Variants in ST6GAL1 observed in about 807,000 individuals in gnomAD.
ST6GAL1 encodes ST6 beta-galactoside alpha-2,6-sialyltransferase 1, also known as beta-galactoside alpha-2,6-sialyltransferase 1.
Under a neutral mutation model 38.0 loss-of-function variants are expected in ST6GAL1, and 20 were observed. The observed-to-expected ratio is 0.53, with a 90% CI of 0.37 to 0.77. The LOEUF (loss-of-function observed/expected upper bound fraction) is 0.77. ST6GAL1 is among the 30% of genes least tolerant of loss of function. ST6GAL1 has a pLI of 0.00. For synonymous variants in ST6GAL1, 196 were observed against 188.2 expected, an observed-to-expected ratio of 1.04 and a Z score of -0.34; for missense variants, 432 against 496.4, an observed-to-expected ratio of 0.87 and a Z score of 1.23.
At chr3:187,002,444 C>A (rs186436895) in intron 2 of ST6GAL1, among the ~76,000 whole-genome samples, 4 of 152,248 alleles carry the variant, frequency 2.6e-5, no homozygotes, top group Non-Finnish European at 5.9e-5. Context: ...CCTGGTCTGT[C>A]CAACTTTCCC....
chr3:186,960,775 A>T (rs568175895), intron 1 of ST6GAL1, among the ~76,000 whole-genome samples: 103 of 149,932 alleles, frequency 6.9e-4, no homozygotes, highest in South Asian at 4.0e-3. Flanking sequence ...TTTTTTTTTT[A>T]AATTTTTTAA....
chr3:187,004,003 G>A (rs1041239715), intron 2 of ST6GAL1, among the ~76,000 whole-genome samples: 4 of 152,136 alleles, frequency 2.6e-5, no homozygotes, highest in African/African-American at 7.2e-5. Context: ...CTGGAGGTGG[G>A]GCCTGCTGGG....
chr3:186,935,656 C>T (rs1713925886), intron 1 of ST6GAL1, among the ~76,000 whole-genome samples: 1 of 152,150 alleles, frequency 6.6e-6, no homozygotes, highest in Non-Finnish European at 1.5e-5. Flanking sequence ...GCAACCTTGC[C>T]AGCATCTGTT....
At chr3:186,953,989 G>A (rs1240636751) in intron 1 of ST6GAL1, among the ~76,000 whole-genome samples, 1 of 151,670 alleles carries the variant, frequency 6.6e-6, no homozygotes, top group Non-Finnish European at 1.5e-5. Context: ...CCTCCCCCAG[G>A]CCCCCTGACA....
chr3:187,030,898 G>A (rs934250135), intron 2 of ST6GAL1, among the ~76,000 whole-genome samples: 18 of 152,186 alleles, frequency 1.2e-4, no homozygotes, highest in African/African-American at 3.9e-4. Context: ...TGATGGTGCC[G>A]TCAAGGTGAT....
At chr3:187,046,199 G>C (rs1718290114) in intron 4 of ST6GAL1, among the ~76,000 whole-genome samples, 1 of 152,200 alleles carries the variant, frequency 6.6e-6, no homozygotes, top group Non-Finnish European at 1.5e-5. Flanking sequence ...CCTTACCTGA[G>C]AGGGCTCATG....
intron 2 of ST6GAL1, among the ~76,000 whole-genome samples, chr3:187,026,844 G>T: frequency 6.6e-6 from 1 of 152,112 alleles, no homozygotes; most frequent in Non-Finnish European, 1.5e-5. Flanking sequence ...AGGAGATCGA[G>T]ACCATCCTGG....
At chr3:186,988,927 AAAACCAAACC>A (rs774686664) in intron 2 of ST6GAL1, among the ~76,000 whole-genome samples, 2 of 152,160 alleles carry the variant, frequency 1.3e-5, no homozygotes, top group Admixed American at 6.5e-5. Context: ...GTCAAAACAA[AAAACCAAACC>A]AAACCAAACC....
rs188147921 is a variant in ST6GAL1 at position 186,958,875 on chromosome 3, C to T, written c.-324-4910C>T. 5.5e-3 allele frequency among the ~76,000 whole-genome samples: 825 copies of T among 150,178 alleles called. 8 individuals carry two copies. Among genetic ancestry groups the T allele is most frequent in the African/African-American group, 0.019 (783 of 40,804 alleles). ...GGCTGAGGCAGGAGAATCGCTTGAACGTGGGAGGCGGAGGTTGCGGTGAGC... is the reference window on the plus strand; with the variant it reads ...GGCTGAGGCAGGAGAATCGCTTGAATGTGGGAGGCGGAGGTTGCGGTGAGC... On this transcript the variant is annotated intron_variant, in intron 1 of 7. Coordinates refer to ENST00000169298, the MANE Select transcript of ST6GAL1 (RefSeq NM_173216.2).
Position 187,042,963 on chromosome 3 carries a change from C to A in ST6GAL1, c.260C>A (p.Ala87Asp), listed in dbSNP as rs201339364. 3 of 1,614,064 alleles carry A rather than the reference C, an allele frequency of 1.9e-6. No homozygotes were observed. Among genetic ancestry groups the A allele is most frequent in the Non-Finnish European group, 2.5e-6 (3 of 1,180,040 alleles). ...GGCAGTCTCAGAGGCCTAGCCAAGGCCAAACCAGAGGCCTCCTTCCAGGTG... is the reference window on the plus strand; with the variant it reads ...GGCAGTCTCAGAGGCCTAGCCAAGGACAAACCAGAGGCCTCCTTCCAGGTG... ...TLGSLRGLAK[A>D]KPEASFQVWN... The change falls in exon 4 of 8, where the codon GCC becomes GAC. Residue 87 changes from alanine (A) to aspartate (D), a missense_variant. Ala to Asp is a moderately radical substitution (Grantham distance 126). Coordinates refer to ENST00000169298, the MANE Select transcript of ST6GAL1 (RefSeq NM_173216.2).
chr3:186,969,343 G>A (rs1236376127), intron 2 of ST6GAL1, among the ~76,000 whole-genome samples: 1 of 152,170 alleles, frequency 6.6e-6, no homozygotes, highest in Non-Finnish European at 1.5e-5. Flanking sequence ...GTGAGCCACA[G>A]CGCGCAGCCC....
chr3:186,945,298 C>T (rs1431856351), intron 1 of ST6GAL1, among the ~76,000 whole-genome samples: 1 of 149,882 alleles, frequency 6.7e-6, no homozygotes, highest in East Asian at 1.9e-4. Flanking sequence ...AGAGCAAGAC[C>T]CTGTCTCTAT....
At chr3:186,961,705 T>C (rs558824737) in intron 1 of ST6GAL1, among the ~76,000 whole-genome samples, 83 of 152,336 alleles carry the variant, frequency 5.4e-4, no homozygotes, top group Non-Finnish European at 1.8e-4. Context: ...CCAAGGCTTT[T>C]GCCTGGGTCA....
intron 2 of ST6GAL1, among the ~76,000 whole-genome samples, chr3:187,026,469 C>G (rs574996327): frequency 6.6e-6 from 1 of 152,282 alleles, no homozygotes; most frequent in South Asian, 2.1e-4. Context: ...TAATTATTAG[C>G]TAAAATAAAG....
chr3:186,983,432 A>T (rs1344531758), intron 2 of ST6GAL1, among the ~76,000 whole-genome samples: 2 of 152,194 alleles, frequency 1.3e-5, no homozygotes, highest in Non-Finnish European at 1.5e-5. Flanking sequence ...TGAGAGTAGA[A>T]AATAGAAGCT....
At chr3:187,069,548 G>A (rs745936098) in intron 5 of ST6GAL1, among the ~76,000 whole-genome samples, 7 of 152,100 alleles carry the variant, frequency 4.6e-5, no homozygotes, top group Admixed American at 1.3e-4. Flanking sequence ...ATCTACAGCC[G>A]ACAATTGTAA....
chr3:187,071,612 TTAGCCGGGCGTG>T (rs1176310844), intron 5 of ST6GAL1, among the ~76,000 whole-genome samples: 2 of 151,286 alleles, frequency 1.3e-5, no homozygotes, highest in African/African-American at 4.9e-5. Flanking sequence ...CCCCAAAAAA[TTAGCCGGGCGTG>T]GTGGCGGGCG....
chr3:186,954,369 A>G (rs1296783354), intron 1 of ST6GAL1, among the ~76,000 whole-genome samples: 2 of 152,160 alleles, frequency 1.3e-5, no homozygotes, highest in East Asian at 3.8e-4. Context: ...GCTGGGTTAC[A>G]TGGTATTTCT....
rs1719514247 is a variant in ST6GAL1 at position 187,075,035 on chromosome 3, G to T, written c.980-527G>T. On this transcript the variant is annotated intron_variant, in intron 7 of 7. Coordinates refer to ENST00000169298, the MANE Select transcript of ST6GAL1 (RefSeq NM_173216.2). This position sits in a 1 kb window ranked among gnomAD's most constrained non-coding sequence, Gnocchi z 4.1. ...ATCATTCAGACTGTGGAGTGCTCCT[G>T]TTCCAGCTGTCCCTTTGCCCAGCTA... Among the ~76,000 whole-genome samples, 1 of 152,128 alleles carries T rather than the reference G, an allele frequency of 6.6e-6. No homozygotes were observed. The highest frequency in any genetic ancestry group is 1.5e-5 in the Non-Finnish European group (1 of 68,020).
Sources: gnomAD v4.1 joint callset for allele counts (sites outside exome capture counted in the v4.1 genomes callset) on GRCh38, gnomAD v4.1.1 for gene constraint, Gnocchi (gnomAD v3.1) non-coding constraint, MANE v1.5 for transcripts, NCBI Gene and HGNC (gene_info 2026-07-23, HGNC 2026-07-21) for gene names.